FGGY: variants seen among roughly 807,000 people sequenced by gnomAD.
FGGY encodes the protein FGGY carbohydrate kinase domain-containing protein.
In FGGY, 72 loss-of-function variants were observed where a neutral mutation model predicts 71.3. That is an observed-to-expected ratio of 1.01 (90% CI 0.84 to 1.23). The LOEUF (loss-of-function observed/expected upper bound fraction) is 1.23. Among genes scored for constraint, FGGY ranks in the 50% most tolerant of loss-of-function variants. FGGY has a pLI of 0.00. For synonymous variants in FGGY, 251 were observed against 250.3 expected (o/e 1.00, Z -0.02); for missense variants, 668 against 682.3 (o/e 0.98, Z 0.23).
chr1:59,316,036 C>T (rs1328907129), intron 1 of FGGY: 1 of 152,152 alleles, frequency 6.6e-6, no homozygotes, highest in East Asian at 1.9e-4. Flanking sequence ...CAAATTTTTC[C>T]ACCATCTTAG....
chr1:59,640,627 G>A (rs935907265), intron 11 of FGGY, among the ~76,000 whole-genome samples: 3 of 142,226 alleles, frequency 2.1e-5, no homozygotes, highest in African/African-American at 8.7e-5. Context: ...CACAGAGTAA[G>A]TGCTCAGTAT....
chr1:59,474,002 G>T (rs2093133066), intron 6 of FGGY: 2 of 152,194 alleles, frequency 1.3e-5, no homozygotes. Flanking sequence ...TACGAAGCCT[G>T]TAGAAATGTT....
intron 6 of FGGY, among the ~76,000 whole-genome samples, chr1:59,505,031 G>T (rs2094341559): frequency 6.6e-6 from 1 of 151,924 alleles, no homozygotes; most frequent in Non-Finnish European, 1.5e-5. Flanking sequence ...TATAAATAGG[G>T]GAAAAAATAA....
chr1:59,690,587 G>C (rs960557742), intron 14 of FGGY, among the ~76,000 whole-genome samples: 3 of 152,170 alleles, frequency 2.0e-5, no homozygotes, highest in African/African-American at 4.8e-5. Context: ...CATGTTTGCT[G>C]ATCTCACTCA....
At chr1:59,485,980 C>T (rs1244917314) in intron 6 of FGGY, among the ~76,000 whole-genome samples, 1 of 152,196 alleles carries the variant, frequency 6.6e-6, no homozygotes, top group Non-Finnish European at 1.5e-5. Flanking sequence ...GACCTAAACT[C>T]CAACTTTTCC....
At chr1:59,577,485 G>T (rs1003963968) in intron 8 of FGGY, among the ~76,000 whole-genome samples, 1 of 151,714 alleles carries the variant, frequency 6.6e-6, no homozygotes, top group Non-Finnish European at 1.5e-5. Flanking sequence ...TGACTAGAGG[G>T]TTCAGAATTC....
chr1:59,726,245 T>C (rs923775600), intron 14 of FGGY, among the ~76,000 whole-genome samples: 1 of 152,206 alleles, frequency 6.6e-6, no homozygotes, highest in Non-Finnish European at 1.5e-5. Flanking sequence ...GATTTTTGAA[T>C]GTTGAACCAA....
rs373070133 is a variant in FGGY, at chr1:59,626,065, G to C, written c.1073+16G>C. On this transcript the variant is annotated intron_variant, in intron 10 of 15. Transcript: ENST00000303721. ...CCACAGCCAGGTAACTGCTGTCTCT[G>C]TTCCCTCTAAAATTTTCCTTGTGTG... 9.9e-6 allele frequency: 16 copies of C among 1,611,316 alleles called. No individual in the cohort carries two copies. Among genetic ancestry groups the C allele is most frequent in the Non-Finnish European group, 1.3e-5 (15 of 1,178,142 alleles).
At chr1:59,710,000 CT>C in intron 14 of FGGY, among the ~76,000 whole-genome samples, 1 of 152,306 alleles carries the variant, frequency 6.6e-6, no homozygotes, top group East Asian at 1.9e-4. Flanking sequence ...CTATGCTCAT[CT>C]TTATGAGGAG....
chr1:59,736,602 A>G (rs188951455), intron 14 of FGGY, among the ~76,000 whole-genome samples: 21 of 152,298 alleles, frequency 1.4e-4, no homozygotes, highest in African/African-American at 4.1e-4. Flanking sequence ...CTAGATATTT[A>G]TGGAACTTTG....
chr1:59,406,661 C>T (rs2062806120), intron 5 of FGGY, among the ~76,000 whole-genome samples: 1 of 152,118 alleles, frequency 6.6e-6, no homozygotes, highest in Non-Finnish European at 1.5e-5. Context: ...CTCAGAGGAA[C>T]CTAGCCCTGT....
chr1:59,341,928 G>A (rs374934353), intron 3 of FGGY, among the ~76,000 whole-genome samples: 7 of 152,092 alleles, frequency 4.6e-5, no homozygotes, highest in South Asian at 2.1e-4. Flanking sequence ...AGAAATCACC[G>A]TCCCAGAAGT....
intron 14 of FGGY, among the ~76,000 whole-genome samples, chr1:59,743,984 C>T (rs1038229610): frequency 6.6e-6 from 1 of 152,212 alleles, no homozygotes; most frequent in African/African-American, 2.4e-5. Context: ...GAAGTGCTGT[C>T]TTTAAATAGT....
At position 59,609,235 on chromosome 1, in the gene FGGY, C is replaced by T. The variant is rs368935347; in HGVS notation, c.1011+1325C>T. Among the ~76,000 whole-genome samples the T allele has an allele frequency of 2.6e-5, 4 of 152,318 alleles. No homozygotes were observed. In the South Asian group the frequency reaches 8.3e-4, roughly 32 times the overall value. On this transcript the variant is annotated intron_variant, in intron 9 of 15. Coordinates refer to ENST00000303721, the MANE Select transcript of FGGY (RefSeq NM_018291.5). ...GCACAAACTATTCTTAGAAAAATGG[C>T]TTACGATAAAAGTTAGAGAGTAGGG...
intron 4 of FGGY, among the ~76,000 whole-genome samples, chr1:59,375,879 GTTTT>G (rs770578651): frequency 2.0e-5 from 2 of 99,384 alleles, no homozygotes; most frequent in African/African-American, 3.7e-5. Flanking sequence ...ATCTAAAGTA[GTTTT>G]TTTTTTTTTT....
intron 14 of FGGY, among the ~76,000 whole-genome samples, chr1:59,696,117 G>T (rs187782177): frequency 3.3e-5 from 5 of 152,266 alleles, no homozygotes; most frequent in Admixed American, 3.3e-4. Flanking sequence ...GAGTTCTGCT[G>T]GTTCAAAATT....
At chr1:59,575,326 A>C (rs1558403370) in intron 8 of FGGY, among the ~76,000 whole-genome samples, 1 of 152,146 alleles carries the variant, frequency 6.6e-6, no homozygotes, top group Non-Finnish European at 1.5e-5. Context: ...GTTCAACTTT[A>C]TTAAGCTTTA....
intron 11 of FGGY, among the ~76,000 whole-genome samples, chr1:59,651,982 T>G (rs1327205919): frequency 7.3e-5 from 11 of 151,096 alleles, no homozygotes; most frequent in Non-Finnish European, 1.0e-4. Flanking sequence ...TGCTTGTCTG[T>G]AAAGTATTTT....
intron 8 of FGGY, among the ~76,000 whole-genome samples, chr1:59,589,643 C>T (rs1448056637): frequency 3.3e-5 from 5 of 152,148 alleles, no homozygotes; most frequent in Non-Finnish European, 7.3e-5. Flanking sequence ...TCACTCAAAA[C>T]CGCTCAACTA....
Sources: allele counts gnomAD v4.1 joint callset (sites outside exome capture counted in the v4.1 genomes callset), GRCh38; gene constraint gnomAD v4.1.1; transcripts MANE v1.5; gene names NCBI Gene and HGNC (gene_info 2026-07-23, HGNC 2026-07-21).